The following PECR variants were observed in gnomAD, a reference collection of about 807,000 sequenced individuals.
PECR encodes peroxisomal trans-2-enoyl-CoA reductase, also known as 2,4-dienoyl-CoA reductase-related protein.
In PECR, 30 loss-of-function variants were observed where a neutral mutation model predicts 35.3. The ratio of observed to expected loss-of-function variants is 0.85; its 90% CI spans 0.64 to 1.15. The LOEUF is 1.15. Ranked by LOEUF, PECR falls within the 50% of genes most tolerant of loss-of-function variation. PECR has a pLI of 0.00. For missense variants in PECR, 392 were observed against 370.8 expected (o/e 1.06, Z -0.47); for synonymous variants, 148 against 138.9 (o/e 1.07, Z -0.46).
intron 7 of PECR, among the ~76,000 whole-genome samples, chr2:216,030,910 G>A (rs966451401): frequency 1.4e-5 from 2 of 145,320 alleles, no homozygotes; most frequent in Non-Finnish European, 3.0e-5. Flanking sequence ...GAACACACAA[G>A]CCCACTATGA....
rs569346940 is a variant in PECR, at chr2:216,042,843, G to A, written c.826+1061C>T. Among the ~76,000 whole-genome samples the A allele has an allele frequency of 8.7e-4, 131 of 151,370 alleles. 1 individual carries two copies. Among genetic ancestry groups the A allele is most frequent in the African/African-American group, 2.9e-3 (120 of 41,220 alleles). On this transcript the variant is annotated intron_variant, in intron 7 of 7. Coordinates refer to ENST00000265322, the MANE Select transcript of PECR (RefSeq NM_018441.6). ...ATGATCTTGGCTCACTGCAATCTCC[G>A]CCTCCTGGGTTTACGTGATTCTCCT...
intron 6 of PECR, among the ~76,000 whole-genome samples, chr2:216,048,505 T>G (rs1294377981): frequency 6.6e-6 from 1 of 151,638 alleles, no homozygotes. Context: ...AGGTCAGTAG[T>G]TCGAGACTAG....
intron 3 of PECR, among the ~76,000 whole-genome samples, chr2:216,060,921 TAATA>T (rs140245755): frequency 0.045 from 6,859 of 151,752 alleles, 184 homozygotes; most frequent in Middle Eastern, 0.11. Context: ...GAATGCCAAT[TAATA>T]AATAAATAAG....
intron 6 of PECR, 25 bp downstream of exon 6, chr2:216,049,237 TA>T: frequency 1.8e-6 from 2 of 1,090,592 alleles, no homozygotes; most frequent in East Asian, 4.7e-5. Flanking sequence ...ACAGCAATTC[TA>T]ATCAATGCTG....
intron 1 of PECR, among the ~76,000 whole-genome samples, chr2:216,071,013 T>G (rs1013646329): frequency 5.9e-5 from 9 of 152,248 alleles, no homozygotes; most frequent in Non-Finnish European, 1.3e-4. Context: ...TCCCTTTTTG[T>G]TTTTGAATTA....
intron 7 of PECR, among the ~76,000 whole-genome samples, chr2:216,030,942 T>A (rs929251401): frequency 1.6e-4 from 10 of 61,304 alleles, no homozygotes; most frequent in South Asian, 1.4e-3. Flanking sequence ...TCTCTCTCTC[T>A]CTCTCTCTCT....
intron 1 of PECR, among the ~76,000 whole-genome samples, chr2:216,070,458 T>A (rs10190017): frequency 0.057 from 8,701 of 152,260 alleles, 660 homozygotes; most frequent in African/African-American, 0.17. Context: ...CCAGTGAAAC[T>A]GGTCTACTTT....
chr2:216,051,376 C>T (rs1209080659), intron 5 of PECR, 73 bp downstream of exon 5: 3 of 877,132 alleles, frequency 3.4e-6, no homozygotes, highest in East Asian at 2.5e-5. Context: ...TTACCAAATA[C>T]CTCTATCAAC....
chr2:216,068,151 C>T (rs187232674), intron 1 of PECR, among the ~76,000 whole-genome samples: 8 of 147,250 alleles, frequency 5.4e-5, no homozygotes, highest in African/African-American at 1.8e-4. Flanking sequence ...TGCTTGAACC[C>T]GGGAGGCAGA....
chr2:216,079,850 G>A (rs1003926432), intron 1 of PECR, among the ~76,000 whole-genome samples: 1 of 148,632 alleles, frequency 6.7e-6, no homozygotes, highest in Non-Finnish European at 1.5e-5. Context: ...GCAAGGTAGT[G>A]CGTGCCTGTA....
At chr2:216,043,096 T>C (rs6717506) in intron 7 of PECR, among the ~76,000 whole-genome samples, 94,722 of 134,348 alleles carry the variant, frequency 0.71, 35,080 homozygotes, top group African/African-American at 0.77. Flanking sequence ...TACATATATA[T>C]GTATGCGTAT....
chr2:216,063,476 G>A (rs562921863), intron 3 of PECR, among the ~76,000 whole-genome samples: 1 of 152,162 alleles, frequency 6.6e-6, no homozygotes, highest in East Asian at 1.9e-4. Context: ...AAATTAGCCA[G>A]ATGTGGTGGT....
At chr2:216,073,706 G>A (rs1366049646) in intron 1 of PECR, among the ~76,000 whole-genome samples, 1 of 151,432 alleles carries the variant, frequency 6.6e-6, no homozygotes, top group Admixed American at 6.6e-5. Flanking sequence ...GATATGTTTA[G>A]ACCACAGATA....
chr2:216,035,703 T>C (rs1197941843), downstream of PECR, among the ~76,000 whole-genome samples: 1 of 152,062 alleles, frequency 6.6e-6, no homozygotes, highest in Non-Finnish European at 1.5e-5. Flanking sequence ...GCCAGGCTGG[T>C]CTCAAACTCC....
chr2:216,037,211 A>G (rs1033020770), downstream of PECR, among the ~76,000 whole-genome samples: 4 of 152,246 alleles, frequency 2.6e-5, no homozygotes, highest in Non-Finnish European at 4.4e-5. Context: ...TATGATGTAC[A>G]TAAGAGTCCT....
chr2:216,057,500 A>G (rs1233019522), intron 4 of PECR, among the ~76,000 whole-genome samples: 5 of 152,202 alleles, frequency 3.3e-5, no homozygotes, highest in African/African-American at 9.7e-5. Context: ...ATATGCCCCC[A>G]AAACTATTAA....
At chr2:216,051,262 G>T (rs1405533428) in intron 5 of PECR, among the ~76,000 whole-genome samples, 187 bp downstream of exon 5, 1 of 139,172 alleles carries the variant, frequency 7.2e-6, no homozygotes, top group Non-Finnish European at 1.5e-5. Context: ...CTCCGGCCTG[G>T]GCGACAGAGA....
chr2:216,030,024 T>C (rs954835136), intron 7 of PECR, among the ~76,000 whole-genome samples: 1 of 152,220 alleles, frequency 6.6e-6, no homozygotes. Flanking sequence ...GCCCCATCTT[T>C]GTGTTCACAT....
At chr2:216,041,945 C>T (rs764117369) in intron 7 of PECR, among the ~76,000 whole-genome samples, 13 of 152,348 alleles carry the variant, frequency 8.5e-5, no homozygotes, top group Middle Eastern at 3.4e-3. Context: ...TGCACCCCTT[C>T]GGCTGTATCT....
Sources: gnomAD v4.1 joint callset for allele counts (sites outside exome capture counted in the v4.1 genomes callset) on GRCh38, gnomAD v4.1.1 for gene constraint, MANE v1.5 for transcripts, NCBI Gene and HGNC (gene_info 2026-07-23, HGNC 2026-07-21) for gene names.